KRT222: variants seen among roughly 807,000 people sequenced by gnomAD.
KRT222 encodes the protein keratin-like protein KRT222.
KRT222 carries 23 observed loss-of-function variants against 35.0 expected under a neutral mutation model. That is an observed-to-expected ratio of 0.66 (90% CI 0.47 to 0.93). KRT222 has a LOEUF of 0.93. Among genes scored for constraint, KRT222 ranks in the 40% least tolerant of loss-of-function variants. The pLI, the probability that KRT222 is intolerant of heterozygous loss-of-function variation, is 0.00. For synonymous variants in KRT222, 108 were observed against 118.8 expected, an observed-to-expected ratio of 0.91 and a Z score of 0.59; for missense variants, 339 against 346.3, an observed-to-expected ratio of 0.98 and a Z score of 0.17.
chr17:40,659,283 G>C (rs913124373), intron 3 of KRT222, among the ~76,000 whole-genome samples: 1 of 151,484 alleles, frequency 6.6e-6, no homozygotes, highest in Non-Finnish European at 1.5e-5. Context: ...AGCCTCCCGA[G>C]TAGCTGGGAT....
Position 40,664,748 on chromosome 17 carries a change from T to G in KRT222, c.96+256A>C, listed in dbSNP as rs1422607578. On this transcript the variant is annotated intron_variant, in intron 1 of 5. Transcript: ENST00000394052. ...ACCATTTTATGGTATGTTGACCCCA[T>G]GTTAATGATAGGAACCTCACAATTT... is the stretch of plus-strand genomic sequence containing the variant. Among the ~76,000 whole-genome samples, 3 of 152,322 alleles carry G rather than the reference T, an allele frequency of 2.0e-5. No homozygotes were observed. The East Asian group carries it at 5.8e-4, about 29-fold the overall frequency.
intron 2 of KRT222, among the ~76,000 whole-genome samples, chr17:40,661,198 G>C (rs2037381723): frequency 6.6e-6 from 1 of 151,576 alleles, no homozygotes; most frequent in Admixed American, 6.6e-5. Flanking sequence ...CTTCCAAAGT[G>C]CTAGGATTAC....
chr17:40,662,677 A>G (rs2037391131), intron 1 of KRT222, among the ~76,000 whole-genome samples: 1 of 152,218 alleles, frequency 6.6e-6, no homozygotes, highest in Admixed American at 6.5e-5. Context: ...AATAAAATGA[A>G]TAAATAATAA....
At chr17:40,664,972 C>T in intron 1 of KRT222, 32 bp downstream of exon 1, 1 of 1,613,564 alleles carries the variant, frequency 6.2e-7, no homozygotes, top group Non-Finnish European at 8.5e-7. Flanking sequence ...TCTCCTTATT[C>T]TGGAAGGTGC....
Position 40,660,076 on chromosome 17 carries a change from A to C in KRT222, c.357T>G (p.Leu119=), listed in dbSNP as rs1343863717. The change falls in exon 3 of 6, where the codon CTT becomes CTG. Residue 119 remains leucine, a synonymous_variant. Transcript: ENST00000394052. ...TGTTGAGAAGCATCTCGTGCTCTTG[A>C]AGCTGCTTTTCGATGCCGCGCCTTA... ...QEVRRGIEKQ[L]QEHEMLLNTK... is the part of the protein sequence containing the mutation. 7 of 1,613,936 alleles carry C rather than the reference A, an allele frequency of 4.3e-6. No homozygotes were observed. Among genetic ancestry groups the C allele is most frequent in the East Asian group, 2.2e-5 (1 of 44,894 alleles).
Position 40,654,787 on chromosome 17 carries a change from T to C in KRT222, c.*1615A>G, listed in dbSNP as rs2144026946. On this transcript the variant is annotated 3_prime_UTR_variant, in exon 6 of 6. Transcript: ENST00000394052. ...GTTAGTAGCATTTAGCAATATCAAATGAAACATTTTTTATGTATAGGATGT... is the reference window on the plus strand; with the variant it reads ...GTTAGTAGCATTTAGCAATATCAAACGAAACATTTTTTATGTATAGGATGT... 6.6e-6 allele frequency: 1 copy of C among 151,994 alleles called. No homozygotes were observed. Among genetic ancestry groups the C allele is most frequent in the Non-Finnish European group, 1.5e-5 (1 of 67,926 alleles). 9.4% of individuals were successfully genotyped at this position (151,994 alleles called of 1,614,324 possible). A position where few individuals can be genotyped will look rare whatever the true frequency, so the allele number is the denominator to read the frequency against.
chr17:40,663,831 ACT>A (rs1429622442), intron 1 of KRT222, among the ~76,000 whole-genome samples: 1 of 152,128 alleles, frequency 6.6e-6, no homozygotes, highest in African/African-American at 2.4e-5. Context: ...TGTAAACTAA[ACT>A]CATATTTCTA....
chr17:40,664,782 A>G, intron 1 of KRT222: 1 of 661,566 alleles, frequency 1.5e-6, no homozygotes, highest in South Asian at 2.2e-5. Context: ...TTATATAAAA[A>G]TCAAATGCAT....
Position 40,657,742 on chromosome 17 carries a change from C to A in KRT222, c.455G>T (p.Gly152Val). 1 of 1,608,944 alleles carries A rather than the reference C, an allele frequency of 6.2e-7. No individual in the cohort carries two copies. The highest frequency in any genetic ancestry group is 8.5e-7 in the Non-Finnish European group (1 of 1,176,604). The change falls in exon 4 of 6, where the codon GGT becomes GTT. Residue 152 changes from glycine (G) to valine (V), a missense_variant. Gly to Val is a moderately radical substitution (Grantham distance 109). Coordinates refer to ENST00000394052, the MANE Select transcript of KRT222 (RefSeq NM_152349.3). ...LLEKEEIRYY[G>V]CIQGGKKDKK... ...GTCTTTTTTCCCACCTTGGATACAA[C>A]CATAATATCTGAAATCAGAAAGAAT... is the stretch of plus-strand genomic sequence containing the variant.
chr17:40,660,321 C>T, intron 2 of KRT222, 114 bp from the exon 3 acceptor site: 1 of 826,172 alleles, frequency 1.2e-6, no homozygotes, highest in Non-Finnish European at 1.9e-6. Context: ...CACCCTGTTG[C>T]CCAGAGTGTA....
At chr17:40,656,675 C>G in intron 5 of KRT222, 45 bp from the exon 6 acceptor site, 1 of 1,077,032 alleles carries the variant, frequency 9.3e-7, no homozygotes, top group East Asian at 2.5e-5. Context: ...AAGTATGGGT[C>G]TATTAAAAAT....
intron 2 of KRT222, among the ~76,000 whole-genome samples, chr17:40,661,085 C>T (rs1238898774): frequency 1.3e-5 from 2 of 151,878 alleles, no homozygotes; most frequent in African/African-American, 4.8e-5. Flanking sequence ...GCTGGGATTA[C>T]AGGCGTGTGC....
At chr17:40,663,997 T>C (rs1344105772) in intron 1 of KRT222, among the ~76,000 whole-genome samples, 2 of 152,304 alleles carry the variant, frequency 1.3e-5, no homozygotes, top group African/African-American at 2.4e-5. Context: ...TTATGAAGGC[T>C]GAAAATGTTA....
chr17:40,660,320 G>C, intron 2 of KRT222, 113 bp from the exon 3 acceptor site: 1 of 824,386 alleles, frequency 1.2e-6, no homozygotes. Context: ...TCACCCTGTT[G>C]CCCAGAGTGT....
At position 40,662,022 on chromosome 17, in the gene KRT222, T is replaced by A. The variant is rs781046929; in HGVS notation, c.119A>T (p.Lys40Ile). Residue 40 changes from lysine to isoleucine, a missense_variant, in exon 2 of 6, where the codon AAA (lysine) becomes ATA (isoleucine). By Grantham distance (102) the Lys-to-Ile change is moderately radical. Coordinates refer to ENST00000394052, the MANE Select transcript of KRT222 (RefSeq NM_152349.3). ...CAAAGCCTCTTCATCTTTGTCCATT[T>A]TTTTGCTTATGTCTTCTTCTAGCTA... is the stretch of plus-strand genomic sequence containing the variant. ...RIQLEEDISK[K>I]MDKDEEALKA... is the part of the protein sequence containing the mutation. 1.1e-5 allele frequency: 17 copies of A among 1,613,976 alleles called. No individual in the cohort carries two copies. The highest frequency in any genetic ancestry group is 4.2e-6 in the Non-Finnish European group (5 of 1,180,030).
Position 40,656,608 on chromosome 17 carries a change from T to C in KRT222, c.682A>G (p.Ile228Val). The change falls in exon 6 of 6, where the codon ATT becomes GTT. Residue 228 changes from isoleucine (I) to valine (V), a missense_variant. By Grantham distance (29) the Ile-to-Val change is conservative. Coordinates refer to ENST00000394052, the MANE Select transcript of KRT222 (RefSeq NM_152349.3). ...AAGAAAGAACCTTCCCATTCTTTAA[T>C]AACTTCATCCACTTTCTCTGTCCTG... ...TIQTEKVDEV[I>V]KEWEGSFFKD... The C allele has an allele frequency of 6.2e-7, 1 of 1,604,038 alleles. No individual in the cohort carries two copies. Among genetic ancestry groups the C allele is most frequent in the Non-Finnish European group, 8.5e-7 (1 of 1,170,884 alleles).
At chr17:40,658,482 C>T (rs1218789351) in intron 3 of KRT222, among the ~76,000 whole-genome samples, 2 of 151,998 alleles carry the variant, frequency 1.3e-5, no homozygotes. Context: ...ATAGAACTTA[C>T]AATGTGCCAG....
chr17:40,660,151 C>T lies in KRT222; in HGVS notation c.282G>A (p.Leu94=), dbSNP rs1157001752. 3.7e-6 allele frequency: 6 copies of T among 1,614,028 alleles called. No homozygotes were observed. The highest frequency in any genetic ancestry group is 3.4e-6 in the Non-Finnish European group (4 of 1,180,024). The change falls in exon 3 of 6, where the codon CTG becomes CTA. Residue 94 remains leucine (L), a synonymous_variant. Transcript: ENST00000394052. ...HASEQHYQMQ[L]QDLETVIEGL... is the part of the protein sequence containing the mutation. The stretch of plus-strand genomic sequence containing the variant: ...CTTCAATCACAGTCTCTAGGTCTTG[C>T]AGCTGCATCTGGTAATGCTGCTCGC...
At chr17:40,664,117 A>C (rs760361824) in intron 1 of KRT222, among the ~76,000 whole-genome samples, 2 of 152,082 alleles carry the variant, frequency 1.3e-5, no homozygotes, top group African/African-American at 2.4e-5. Flanking sequence ...ATTCTTAAGT[A>C]AACTTTTTGC....
Sources: gnomAD v4.1 joint callset for allele counts (sites outside exome capture counted in the v4.1 genomes callset) on GRCh38, gnomAD v4.1.1 for gene constraint, MANE v1.5 for transcripts, NCBI Gene and HGNC (gene_info 2026-07-23, HGNC 2026-07-21) for gene names.